KDM5A: variants seen among roughly 807,000 people sequenced by gnomAD.
The protein encoded by KDM5A is lysine demethylase 5A.
A neutral mutation model predicts 193.5 loss-of-function variants in KDM5A; 42 were observed. The ratio of observed to expected loss-of-function variants is 0.22; its 90% CI spans 0.17 to 0.28. The LOEUF is 0.28. KDM5A is among the 10% of genes least tolerant of loss of function. The pLI, the probability that KDM5A is intolerant of heterozygous loss-of-function variation, is 1.00. For missense variants in KDM5A, 1,692 were observed against 2,055.1 expected (o/e 0.82, Z 3.42); for synonymous variants, 796 against 718.1 (o/e 1.11, Z -1.73).
At chr12:316,744 T>C (rs1943654823) in intron 19 of KDM5A, among the ~76,000 whole-genome samples, 1 of 152,224 alleles carries the variant, frequency 6.6e-6, no homozygotes, top group African/African-American at 2.4e-5. Context: ...GGAAAAGCTA[T>C]GAATAAATTT....
chr12:328,508 T>C (rs1282874964), intron 14 of KDM5A, among the ~76,000 whole-genome samples: 2 of 152,010 alleles, frequency 1.3e-5, no homozygotes, highest in Admixed American at 1.3e-4. Flanking sequence ...TCCAGAAACA[T>C]AACTTATTCA....
At chr12:295,289 A>G (rs1450648665) in intron 26 of KDM5A, among the ~76,000 whole-genome samples, 4 of 130,848 alleles carry the variant, frequency 3.1e-5, no homozygotes, top group African/African-American at 1.2e-4. Flanking sequence ...AGGAAAGAAG[A>G]AAAAAGAAAA....
chr12:305,977 T>G (rs1436787642), intron 24 of KDM5A, among the ~76,000 whole-genome samples: 4 of 146,778 alleles, frequency 2.7e-5, no homozygotes, highest in Non-Finnish European at 6.0e-5. Flanking sequence ...GTGTTTTTTT[T>G]TTTTTTTTTT....
intron 10 of KDM5A, among the ~76,000 whole-genome samples, chr12:349,090 G>A (rs1450072681): frequency 1.4e-4 from 20 of 146,492 alleles, no homozygotes; most frequent in African/African-American, 5.0e-4. Context: ...GCGCAATCTC[G>A]GCTCACTGCA....
chr12:289,930 T>A (rs1416534312), intron 27 of KDM5A, among the ~76,000 whole-genome samples: 7 of 130,636 alleles, frequency 5.4e-5, no homozygotes, highest in African/African-American at 1.1e-4. Context: ...TTTTTTTTTT[T>A]ACATCATCTT....
At chr12:341,441 C>G (rs1254363875) in intron 10 of KDM5A, among the ~76,000 whole-genome samples, 1 of 151,922 alleles carries the variant, frequency 6.6e-6, no homozygotes, top group African/African-American at 2.4e-5. Context: ...ATTATCCTAA[C>G]TTTGTTATCC....
At chr12:301,707 G>C (rs182579051) in intron 24 of KDM5A, among the ~76,000 whole-genome samples, 76 of 152,238 alleles carry the variant, frequency 5.0e-4, no homozygotes, top group African/African-American at 1.8e-3. Context: ...AGAAATAAAG[G>C]GTATTCAAAT....
intron 10 of KDM5A, among the ~76,000 whole-genome samples, chr12:335,330 G>T (rs571779488): frequency 6.6e-6 from 1 of 152,202 alleles, no homozygotes; most frequent in East Asian, 1.9e-4. Context: ...ATGGAGAACA[G>T]TTCTCAAAAT....
intron 10 of KDM5A, among the ~76,000 whole-genome samples, chr12:346,001 A>C (rs1021380576): frequency 5.3e-5 from 8 of 152,212 alleles, no homozygotes; most frequent in Non-Finnish European, 8.8e-5. Context: ...AAAGATCAAC[A>C]AAATTGATAG....
intron 5 of KDM5A, among the ~76,000 whole-genome samples, chr12:358,140 A>C (rs78671251): frequency 0.039 from 5,991 of 152,292 alleles, 365 homozygotes; most frequent in African/African-American, 0.13. Flanking sequence ...TGAAAGTGAG[A>C]GCATCCTGAC....
intron 13 of KDM5A, among the ~76,000 whole-genome samples, chr12:330,986 A>G (rs1943858621): frequency 6.6e-6 from 1 of 152,164 alleles, no homozygotes; most frequent in South Asian, 2.1e-4. Flanking sequence ...TTGATTATCT[A>G]CTTCATACAA....
chr12:318,889 G>T (rs770916211), intron 18 of KDM5A, among the ~76,000 whole-genome samples: 3 of 152,184 alleles, frequency 2.0e-5, no homozygotes, highest in Non-Finnish European at 4.4e-5. Context: ...GAGTGGGGAA[G>T]GGCATATTAC....
At chr12:290,879 AT>A (rs1943284339) in intron 27 of KDM5A, among the ~76,000 whole-genome samples, 1 of 152,208 alleles carries the variant, frequency 6.6e-6, no homozygotes, top group South Asian at 2.1e-4. Context: ...AGATGTAAAC[AT>A]TATAGAAAGA....
chr12:382,188 C>CT (rs1416936735), intron 3 of KDM5A, among the ~76,000 whole-genome samples: 5 of 152,088 alleles, frequency 3.3e-5, no homozygotes, highest in African/African-American at 1.2e-4. Context: ...TCCCAACACT[C>CT]TGGGAGGCTG....
intron 18 of KDM5A, among the ~76,000 whole-genome samples, chr12:319,447 G>C (rs1004506398): frequency 3.3e-5 from 5 of 152,182 alleles, no homozygotes; most frequent in Admixed American, 6.5e-5. Context: ...AGAAATCAAG[G>C]AGTTTGATTC....
intron 24 of KDM5A, among the ~76,000 whole-genome samples, chr12:306,222 CTCAGTCTCCCCTAAATTGTTAGGTT>C (rs1943505542): frequency 1.3e-5 from 2 of 151,940 alleles, no homozygotes; most frequent in African/African-American, 4.8e-5. Context: ...ATCCTTCCAC[CTCAGTCTCCCCTAAATTGTTAGGTT>C]TACAGGCATG....
chr12:383,003 T>C (rs1249194068), intron 3 of KDM5A, among the ~76,000 whole-genome samples: 7 of 152,020 alleles, frequency 4.6e-5, no homozygotes, highest in South Asian at 2.1e-4. Context: ...TTTTTTTTTT[T>C]CACATTAGGG....
chr12:295,865 A>G, intron 25 of KDM5A, 72 bp from the exon 26 acceptor site: 1 of 1,306,930 alleles, frequency 7.7e-7, no homozygotes, highest in South Asian at 1.2e-5. Context: ...TTCAAAGCAA[A>G]TATTGAGACT....
At chr12:333,754 G>A in intron 11 of KDM5A, 105 bp from the exon 12 acceptor site, 1 of 1,099,954 alleles carries the variant, frequency 9.1e-7, no homozygotes, top group South Asian at 1.3e-5. Context: ...TTATTCCATG[G>A]TCAGATTATA....
Sources: gnomAD v4.1 joint callset for allele counts (sites outside exome capture counted in the v4.1 genomes callset) on GRCh38, gnomAD v4.1.1 for gene constraint, MANE v1.5 for transcripts, NCBI Gene and HGNC (gene_info 2026-07-23, HGNC 2026-07-21) for gene names.